The following CELF2 variants were observed in gnomAD, a reference collection of about 807,000 sequenced individuals.
CELF2 encodes CUG triplet repeat RNA-binding protein 2.
CELF2 carries 8 observed loss-of-function variants against 62.6 expected under a neutral mutation model. The ratio of observed to expected loss-of-function variants is 0.13; its 90% CI spans 0.07 to 0.23. The LOEUF is 0.23. Among genes scored for constraint, CELF2 ranks in the 10% least tolerant of loss-of-function variants. CELF2 has a pLI of 1.00. For synonymous variants in CELF2, 258 were observed against 250.0 expected, an observed-to-expected ratio of 1.03 and a Z score of -0.30; for missense variants, 333 against 671.0, an observed-to-expected ratio of 0.50 and a Z score of 5.56.
At chr10:10,973,081 G>A (rs1193937984) in intron 2 of CELF2, among the ~76,000 whole-genome samples, 3 of 152,064 alleles carry the variant, frequency 2.0e-5, no homozygotes, top group African/African-American at 7.3e-5. Context: ...CTCACGGTCA[G>A]GAGTTCGAGA....
At position 11,195,908 on chromosome 10, in the gene CELF2, G is replaced by A. The variant is rs1272014118; in HGVS notation, c.272-21517G>A. Among the ~76,000 whole-genome samples, 2 of 152,110 alleles carry A rather than the reference G, an allele frequency of 1.3e-5. 1 individual carries two copies. The highest frequency in any genetic ancestry group is 2.9e-5 in the Non-Finnish European group (2 of 68,032). On this transcript the variant is annotated intron_variant, in intron 2 of 12. Transcript: ENST00000633077. Reference sequence around the variant, plus strand: ...ACCTAAGTTGGAAACATGGCTTTTTGAGTGTCTTCATTCACAGATGCAGTC... The same window carrying A: ...ACCTAAGTTGGAAACATGGCTTTTTAAGTGTCTTCATTCACAGATGCAGTC...
intron 1 of CELF2, among the ~76,000 whole-genome samples, chr10:11,136,407 G>T (rs535975105): frequency 6.6e-6 from 1 of 152,240 alleles, no homozygotes; most frequent in South Asian, 2.1e-4. Flanking sequence ...GTCGAGACTG[G>T]CCTGCCCAAC....
chr10:11,089,283 A>G (rs1010830434), intron 1 of CELF2, among the ~76,000 whole-genome samples: 8 of 152,248 alleles, frequency 5.3e-5, no homozygotes, highest in Non-Finnish European at 7.3e-5. Flanking sequence ...CGATGGCAGC[A>G]AAGATGACTA....
intron 3 of CELF2, among the ~76,000 whole-genome samples, chr10:11,240,750 G>GA (rs1489471750): frequency 6.6e-6 from 1 of 152,164 alleles, no homozygotes; most frequent in African/African-American, 2.4e-5. Context: ...CACATATAAA[G>GA]TATGAGTTCC....
the CELF2 span, among the ~76,000 whole-genome samples, chr10:10,710,772 T>C: frequency 6.6e-6 from 1 of 152,230 alleles, no homozygotes; most frequent in African/African-American, 2.4e-5. Context: ...AGTAGAAAGC[T>C]ATGGACATTT....
the CELF2 span, among the ~76,000 whole-genome samples, chr10:10,503,984 A>G: frequency 6.6e-6 from 1 of 152,020 alleles, no homozygotes; most frequent in African/African-American, 2.4e-5. Context: ...TTACCAGTTT[A>G]AGTGAAGTAT....
intron 1 of CELF2, among the ~76,000 whole-genome samples, chr10:10,873,480 C>T (rs916569835): frequency 6.6e-6 from 1 of 152,108 alleles, no homozygotes; most frequent in African/African-American, 2.4e-5. Context: ...CCCAAAGAGC[C>T]TTCTGAGTCT....
intron 1 of CELF2, among the ~76,000 whole-genome samples, chr10:10,909,026 T>C (rs1258891259): frequency 6.6e-6 from 1 of 152,034 alleles, no homozygotes; most frequent in Non-Finnish European, 1.5e-5. Flanking sequence ...TGACCTCAAG[T>C]GATCCCACCT....
chr10:10,935,400 T>C (rs2066517199), intron 2 of CELF2: 1 of 152,210 alleles, frequency 6.6e-6, no homozygotes, highest in Non-Finnish European at 1.5e-5. Flanking sequence ...CTAAGTGTCC[T>C]AAATTAAAAA....
intron 1 of CELF2, among the ~76,000 whole-genome samples, chr10:11,045,926 T>C (rs1355106288): frequency 3.9e-5 from 6 of 152,186 alleles, no homozygotes; most frequent in African/African-American, 1.4e-4. Context: ...TATTTCATCG[T>C]TACAATAATG....
At chr10:11,079,096 C>A in intron 1 of CELF2, among the ~76,000 whole-genome samples, 1 of 152,108 alleles carries the variant, frequency 6.6e-6, no homozygotes, top group East Asian at 1.9e-4. Context: ...ACTCTTACTC[C>A]CTACCCTCTC....
intron 3 of CELF2, among the ~76,000 whole-genome samples, chr10:11,226,658 A>G (rs554079633): frequency 6.6e-6 from 1 of 151,998 alleles, no homozygotes; most frequent in Admixed American, 6.5e-5. Context: ...TGGCCCTGCC[A>G]CAGCAGGGGC....
At chr10:11,040,205 A>G (rs1440500845) in intron 1 of CELF2, among the ~76,000 whole-genome samples, 1 of 152,330 alleles carries the variant, frequency 6.6e-6, no homozygotes, top group Non-Finnish European at 1.5e-5. Flanking sequence ...TCTGACTGCC[A>G]TCTTAACTGT....
the CELF2 span, among the ~76,000 whole-genome samples, chr10:10,578,277 C>G: frequency 1.2e-4 from 18 of 151,608 alleles, no homozygotes; most frequent in South Asian, 2.1e-4. Flanking sequence ...TGTCAGATGA[C>G]TAGGTTGCAA....
intron 1 of CELF2, among the ~76,000 whole-genome samples, chr10:10,894,409 G>A (rs1314555833): frequency 6.6e-6 from 1 of 152,160 alleles, no homozygotes; most frequent in Non-Finnish European, 1.5e-5. Flanking sequence ...ATTGTAAGTA[G>A]CCTGACCATA....
rs1299268283 is a variant in CELF2, at chr10:10,983,094, G to A, written c.89+63095G>A. ...CATCTTCTCAATCCGGTAATTAGCT[G>A]AAGTGCTACATTTTAAAAAATAATT... On this transcript the variant is annotated intron_variant, in intron 2 of 13. Transcript: ENST00000636488. This position sits in a 1 kb window ranked among gnomAD's most constrained non-coding sequence, Gnocchi z 5.2. Among the ~76,000 whole-genome samples the A allele has an allele frequency of 6.6e-6, 1 of 151,970 alleles. No individual in the cohort carries two copies. The highest frequency in any genetic ancestry group is 2.4e-5 in the African/African-American group (1 of 41,384).
Position 11,217,503 on chromosome 10 carries a change from C to T in CELF2, c.350C>T (p.Pro117Leu). ...GCACTGCACAATATTAAAACTTTACCTGGGGTGAGTCGGTTTACTTTTGTA... is the reference window on the plus strand; with the variant it reads ...GCACTGCACAATATTAAAACTTTACTTGGGGTGAGTCGGTTTACTTTTGTA... ...QNALHNIKTLPGMHHPIQMKP... is the reference protein window; with the variant it reads ...QNALHNIKTLLGMHHPIQMKP... The change falls in exon 3 of 13, where the codon CCT becomes CTT. Residue 117 changes from proline to leucine, a missense_variant. Physicochemically the swap from Pro to Leu is moderately conservative, Grantham distance 98. This residue lies in a region of CELF2 where 253 missense variants were observed against 503.0 expected (regional missense o/e 0.50). Coordinates refer to ENST00000633077, the MANE Select transcript of CELF2 (RefSeq NM_001326342.2). The surrounding 1 kb of genome is among the most constrained non-coding windows in gnomAD (Gnocchi z 5.6). 6.2e-7 allele frequency: 1 copy of T among 1,605,112 alleles called. No homozygotes were observed. Among genetic ancestry groups the T allele is most frequent in the Non-Finnish European group, 8.5e-7 (1 of 1,173,086 alleles).
chr10:10,708,177 A>T, the CELF2 span, among the ~76,000 whole-genome samples: 2,503 of 152,292 alleles, frequency 0.016, 30 homozygotes, highest in African/African-American at 0.036. Context: ...AATTAGTGTT[A>T]CCCATTGCAC....
At chr10:11,241,648 T>A (rs1284554490) in intron 3 of CELF2, among the ~76,000 whole-genome samples, 1 of 152,226 alleles carries the variant, frequency 6.6e-6, no homozygotes, top group Non-Finnish European at 1.5e-5. Context: ...TAGTGCTGAT[T>A]GATGTTCCTA....
Sources: gnomAD v4.1 joint callset for allele counts (sites outside exome capture counted in the v4.1 genomes callset) on GRCh38, gnomAD v4.1.1 for gene constraint, gnomAD v4.1.1 regional missense constraint, Gnocchi (gnomAD v3.1) non-coding constraint, MANE v1.5 for transcripts, NCBI Gene and HGNC (gene_info 2026-07-23, HGNC 2026-07-21) for gene names.